The following COL19A1 variants were observed in gnomAD, a reference collection of about 807,000 sequenced individuals.
COL19A1 encodes the protein collagen alpha-1(XIX) chain.
COL19A1 carries 159 observed loss-of-function variants against 190.2 expected under a neutral mutation model. The observed-to-expected ratio is 0.84, with a 90% CI of 0.73 to 0.95. The LOEUF is 0.95. COL19A1 is among the 40% of genes least tolerant of loss of function. COL19A1 has a pLI of 0.00. For missense variants in COL19A1, 1,418 were observed against 1,431.9 expected (o/e 0.99, Z 0.16); for synonymous variants, 509 against 458.9 (o/e 1.11, Z -1.39).
intron 9 of COL19A1, among the ~76,000 whole-genome samples, chr6:69,943,213 A>G (rs1773584822): frequency 6.6e-6 from 1 of 152,096 alleles, no homozygotes; most frequent in Admixed American, 6.6e-5. Flanking sequence ...GTGTCTATTC[A>G]GATCATTCAC....
intron 16 of COL19A1, among the ~76,000 whole-genome samples, chr6:70,120,604 T>A (rs1420514790): frequency 6.6e-6 from 1 of 152,210 alleles, no homozygotes; most frequent in East Asian, 1.9e-4. Context: ...AGAATTCTCT[T>A]CTTACAATAG....
At chr6:69,921,315 A>G (rs1237220633) in intron 4 of COL19A1, among the ~76,000 whole-genome samples, 2 of 132,060 alleles carry the variant, frequency 1.5e-5, no homozygotes. Context: ...ATCATATATC[A>G]TATAATCATA....
At chr6:69,984,709 C>T (rs1281821246) in intron 11 of COL19A1, among the ~76,000 whole-genome samples, 3 of 152,054 alleles carry the variant, frequency 2.0e-5, no homozygotes, top group East Asian at 1.9e-4. Context: ...AATATATATG[C>T]GAAGGACATG....
chr6:69,938,166 T>C, intron 9 of COL19A1, 66 bp downstream of exon 9: 1 of 1,448,748 alleles, frequency 6.9e-7, no homozygotes, highest in South Asian at 1.2e-5. Context: ...AAAAATGTGT[T>C]CATCTCATTT....
At chr6:70,133,154 T>C (rs9454986) in intron 18 of COL19A1, among the ~76,000 whole-genome samples, 2,817 of 152,338 alleles carry the variant, frequency 0.018, 89 homozygotes, top group African/African-American at 0.064. Context: ...GGGACTCAGT[T>C]TGTGCTGTAG....
At chr6:70,068,324 T>A (rs1781363942) in intron 14 of COL19A1, 99 bp from the exon 15 acceptor site, 1 of 822,382 alleles carries the variant, frequency 1.2e-6, no homozygotes, top group Non-Finnish European at 2.1e-6. Context: ...TTTAAAAGTT[T>A]GTTTTAATCA....
chr6:70,195,138 T>G (rs1331994040), intron 48 of COL19A1, among the ~76,000 whole-genome samples: 1 of 115,636 alleles, frequency 8.6e-6, no homozygotes, highest in East Asian at 2.6e-4. Context: ...TCATTGATGA[T>G]ATATATATAT....
At chr6:69,937,548 C>T (rs547585859) in intron 8 of COL19A1, among the ~76,000 whole-genome samples, 1 of 152,052 alleles carries the variant, frequency 6.6e-6, no homozygotes, top group African/African-American at 2.4e-5. Flanking sequence ...TGGCTTTTTC[C>T]AGTGCCCATA....
intron 17 of COL19A1, among the ~76,000 whole-genome samples, chr6:70,129,730 C>T (rs1785408985): frequency 6.6e-6 from 1 of 152,206 alleles, no homozygotes; most frequent in South Asian, 2.1e-4. Context: ...TGCCTGAGAA[C>T]TTGCATTTTT....
chr6:70,146,973 T>C, intron 27 of COL19A1, 84 bp downstream of exon 27: 1 of 1,230,552 alleles, frequency 8.1e-7, no homozygotes, highest in Non-Finnish European at 1.1e-6. Flanking sequence ...GAGAAAAGAA[T>C]AGAAAGGTCA....
intron 18 of COL19A1, among the ~76,000 whole-genome samples, chr6:70,134,441 A>C (rs1362328966): frequency 6.6e-6 from 1 of 152,202 alleles, no homozygotes; most frequent in African/African-American, 2.4e-5. Context: ...TAAACTTTAA[A>C]TTTGATGGAT....
intron 14 of COL19A1, among the ~76,000 whole-genome samples, chr6:70,045,137 AT>A (rs1779838239): frequency 6.6e-6 from 1 of 151,930 alleles, no homozygotes; most frequent in Non-Finnish European, 1.5e-5. Flanking sequence ...AAATGGAGAA[AT>A]GCCATCTCAA....
At chr6:69,990,142 A>C (rs1446148263) in intron 11 of COL19A1, among the ~76,000 whole-genome samples, 1 of 152,106 alleles carries the variant, frequency 6.6e-6, no homozygotes, top group Non-Finnish European at 1.5e-5. Context: ...TCAAATAAAC[A>C]CAAAAGTGTG....
chr6:70,141,800 A>G, intron 20 of COL19A1, 93 bp from the exon 21 acceptor site: 1 of 825,356 alleles, frequency 1.2e-6, no homozygotes, highest in Non-Finnish European at 2.0e-6. Context: ...TTTTTATTGT[A>G]TGTTAATTAG....
intron 11 of COL19A1, among the ~76,000 whole-genome samples, chr6:69,992,450 G>A (rs944633153): frequency 6.6e-6 from 1 of 151,612 alleles, no homozygotes; most frequent in African/African-American, 2.4e-5. Flanking sequence ...TTTTGCACTT[G>A]TATACAAGAA....
rs577684755 is a variant in COL19A1 at position 70,078,900 on chromosome 6, C to G, written c.1224+10424C>G. Among the ~76,000 whole-genome samples, 3 of 152,216 alleles carry G rather than the reference C, an allele frequency of 2.0e-5. No homozygotes were observed. In the East Asian group the frequency reaches 5.8e-4, roughly 29 times the overall value. Reference sequence around the variant, plus strand: ...TGGCCAACATGGTGAAACTCTGTCTCTACTAAAAATACAAAAATTAGCTGG... The same window carrying G: ...TGGCCAACATGGTGAAACTCTGTCTGTACTAAAAATACAAAAATTAGCTGG... On this transcript the variant is annotated intron_variant, in intron 15 of 50. Coordinates refer to ENST00000620364, the MANE Select transcript of COL19A1 (RefSeq NM_001858.6).
At chr6:70,076,459 G>T (rs1025834091) in intron 15 of COL19A1, among the ~76,000 whole-genome samples, 1 of 152,176 alleles carries the variant, frequency 6.6e-6, no homozygotes, top group African/African-American at 2.4e-5. Flanking sequence ...ACAAATATAG[G>T]TAGGTACAGC....
At chr6:70,091,777 G>A (rs557350429) in intron 15 of COL19A1, among the ~76,000 whole-genome samples, 35 of 151,746 alleles carry the variant, frequency 2.3e-4, no homozygotes, top group Admixed American at 3.3e-4. Context: ...AATTGCTGCC[G>A]GCAGGACCAA....
At chr6:69,871,058 CA>C (rs986548264) in intron 1 of COL19A1, among the ~76,000 whole-genome samples, 2 of 152,118 alleles carry the variant, frequency 1.3e-5, no homozygotes, top group African/African-American at 4.8e-5. Flanking sequence ...GCCTAAATTG[CA>C]AAAGACATCT....
Sources: allele counts gnomAD v4.1 joint callset (sites outside exome capture counted in the v4.1 genomes callset), GRCh38; gene constraint gnomAD v4.1.1; transcripts MANE v1.5; gene names NCBI Gene and HGNC (gene_info 2026-07-23, HGNC 2026-07-21).